ARB2A: variants seen among roughly 807,000 people sequenced by gnomAD.
ARB2A encodes cotranscriptional regulator ARB2A.
chr5:94,035,924 G>C, the ARB2A span, among the ~76,000 whole-genome samples: 1 of 152,036 alleles, frequency 6.6e-6, no homozygotes, highest in Non-Finnish European at 1.5e-5. Flanking sequence ...AGGTTGATGA[G>C]TGCAGCAAAC....
chr5:93,794,353 T>C, the ARB2A span, among the ~76,000 whole-genome samples: 1 of 152,250 alleles, frequency 6.6e-6, no homozygotes, highest in East Asian at 1.9e-4. Context: ...TTTTTTAAAA[T>C]TGAACTTCAC....
chr5:93,816,960 G>A, the ARB2A span, among the ~76,000 whole-genome samples: 1 of 151,676 alleles, frequency 6.6e-6, no homozygotes, highest in South Asian at 2.1e-4. Context: ...GGGGAATTTG[G>A]CAAAAAAACA....
At chr5:94,002,407 GT>G in the ARB2A span, among the ~76,000 whole-genome samples, 1 of 152,046 alleles carries the variant, frequency 6.6e-6, no homozygotes, top group African/African-American at 2.4e-5. Context: ...TCTTACACTT[GT>G]CTGCACTGAG....
chr5:93,731,809 A>C, the ARB2A span, among the ~76,000 whole-genome samples: 1 of 152,230 alleles, frequency 6.6e-6, no homozygotes, highest in Admixed American at 6.5e-5. Flanking sequence ...AAGAAATGAC[A>C]TTCAGGCTGC....
the ARB2A span, among the ~76,000 whole-genome samples, chr5:93,779,875 G>A: frequency 2.0e-5 from 3 of 152,112 alleles, no homozygotes; most frequent in Admixed American, 6.5e-5. Context: ...CTATTGATAT[G>A]GATTAGAAAT....
At chr5:93,909,477 C>T in the ARB2A span, among the ~76,000 whole-genome samples, 3 of 150,950 alleles carry the variant, frequency 2.0e-5, no homozygotes, top group East Asian at 3.9e-4. Flanking sequence ...ATTATATCTA[C>T]AGAGCATTAA....
the ARB2A span, among the ~76,000 whole-genome samples, chr5:94,089,073 C>G: frequency 6.6e-6 from 1 of 152,130 alleles, no homozygotes; most frequent in East Asian, 1.9e-4. Flanking sequence ...TAACAGCAGC[C>G]ACTGGAGGGA....
chr5:93,896,838 C>A, the ARB2A span, among the ~76,000 whole-genome samples: 1 of 151,934 alleles, frequency 6.6e-6, no homozygotes, highest in African/African-American at 2.4e-5. Flanking sequence ...GACATATGCT[C>A]ATTTTTTCCC....
At chr5:93,898,776 A>T in the ARB2A span, among the ~76,000 whole-genome samples, 1 of 152,130 alleles carries the variant, frequency 6.6e-6, no homozygotes, top group Non-Finnish European at 1.5e-5. Context: ...GCCGTTAGAA[A>T]GTTTAATACA....
At chr5:93,650,482 A>C in the ARB2A span, among the ~76,000 whole-genome samples, 1 of 152,202 alleles carries the variant, frequency 6.6e-6, no homozygotes, top group African/African-American at 2.4e-5. Context: ...GGGGAAAAAC[A>C]GATTGGCAGA....
chr5:93,650,695 A>G, the ARB2A span, among the ~76,000 whole-genome samples: 3 of 152,150 alleles, frequency 2.0e-5, no homozygotes, highest in Admixed American at 2.0e-4. Context: ...AAATGCAAAG[A>G]AAATCCACAA....
chr5:93,697,851 C>T, the ARB2A span, among the ~76,000 whole-genome samples: 37 of 152,004 alleles, frequency 2.4e-4, no homozygotes, highest in African/African-American at 8.2e-4. Context: ...TAAAGCCTTG[C>T]AGAGATCTTG....
At chr5:94,012,175 G>C in the ARB2A span, among the ~76,000 whole-genome samples, 1 of 152,070 alleles carries the variant, frequency 6.6e-6, no homozygotes, top group African/African-American at 2.4e-5. Flanking sequence ...GGCCAAGGCG[G>C]GCAGATCACA....
chr5:93,880,006 T>C, the ARB2A span, among the ~76,000 whole-genome samples: 1 of 151,840 alleles, frequency 6.6e-6, no homozygotes, highest in Admixed American at 6.6e-5. Context: ...GTACAACTGA[T>C]AGAGAAGATG....
the ARB2A span, among the ~76,000 whole-genome samples, chr5:93,705,609 ATGTGTGTGTGTGTG>A: frequency 7.0e-5 from 9 of 128,814 alleles, no homozygotes; most frequent in East Asian, 4.6e-4. Flanking sequence ...TTGGGAAAAA[ATGTGTGTGTGTGTG>A]TGTGTGTGTG....
chr5:93,710,219 TGCC>T, the ARB2A span, among the ~76,000 whole-genome samples: 2 of 152,202 alleles, frequency 1.3e-5, no homozygotes, highest in Non-Finnish European at 2.9e-5. Flanking sequence ...TATAAATGGC[TGCC>T]ATTTTATTTG....
chr5:94,053,247 A>G, the ARB2A span: 4 of 1,226,102 alleles, frequency 3.3e-6, no homozygotes, highest in South Asian at 4.3e-5. Context: ...AAATGATATG[A>G]AATTTACTTA....
chr5:93,782,708 A>C, the ARB2A span, among the ~76,000 whole-genome samples: 1 of 152,140 alleles, frequency 6.6e-6, no homozygotes, highest in African/African-American at 2.4e-5. Flanking sequence ...CATGTTTGCA[A>C]GGTAGGTATT....
the ARB2A span, among the ~76,000 whole-genome samples, chr5:93,691,024 A>C: frequency 6.6e-6 from 1 of 152,172 alleles, no homozygotes; most frequent in African/African-American, 2.4e-5. Flanking sequence ...TCTGAAGGTC[A>C]CCAACATCAA....
Sources: gnomAD v4.1 joint callset for allele counts (sites outside exome capture counted in the v4.1 genomes callset) on GRCh38, gnomAD v4.1.1 for gene constraint, MANE v1.5 for transcripts, NCBI Gene and HGNC (gene_info 2026-07-23, HGNC 2026-07-21) for gene names.